CEP112: variants seen among roughly 807,000 people sequenced by gnomAD.
CEP112 encodes centrosomal protein of 112 kDa.
Under a neutral mutation model 153.0 loss-of-function variants are expected in CEP112, and 127 were observed. The observed-to-expected ratio is 0.83, with a 90% confidence interval of 0.72 to 0.96. The LOEUF (loss-of-function observed/expected upper bound fraction) is 0.96. CEP112 is among the 40% of genes least tolerant of loss of function. CEP112 has a pLI of 0.00. For missense variants in CEP112, 1,089 were observed against 1,101.2 expected (o/e 0.99, Z 0.16); for synonymous variants, 358 against 374.4 (o/e 0.96, Z 0.51).
intron 24 of CEP112, among the ~76,000 whole-genome samples, chr17:65,653,097 C>G (rs1275566264): frequency 6.6e-6 from 1 of 152,150 alleles, no homozygotes; most frequent in Non-Finnish European, 1.5e-5. Context: ...ATCTAATTAC[C>G]TCCCAAAGGC....
chr17:65,769,442 A>G (rs919378031), intron 21 of CEP112, among the ~76,000 whole-genome samples: 3 of 152,214 alleles, frequency 2.0e-5, no homozygotes, highest in Non-Finnish European at 4.4e-5. Flanking sequence ...AGGACCCACA[A>G]AAGACCCCAA....
intron 16 of CEP112, among the ~76,000 whole-genome samples, chr17:66,011,969 T>G (rs906475849): frequency 6.6e-6 from 1 of 152,252 alleles, no homozygotes; most frequent in African/African-American, 2.4e-5. Context: ...TTTACCATTA[T>G]GCAATGTCCT....
intron 16 of CEP112, among the ~76,000 whole-genome samples, chr17:66,023,696 A>G (rs933537522): frequency 1.3e-5 from 2 of 152,140 alleles, no homozygotes; most frequent in Non-Finnish European, 2.9e-5. Flanking sequence ...GCAACATGAC[A>G]AAACTCCACC....
At chr17:66,085,210 T>C (rs2067873318) in intron 8 of CEP112, among the ~76,000 whole-genome samples, 1 of 152,182 alleles carries the variant, frequency 6.6e-6, no homozygotes, top group East Asian at 1.9e-4. Context: ...TATCATAAAA[T>C]TCACACATTT....
At chr17:66,108,980 G>T (rs1403300963) in intron 6 of CEP112, among the ~76,000 whole-genome samples, 1 of 152,202 alleles carries the variant, frequency 6.6e-6, no homozygotes, top group African/African-American at 2.4e-5. Context: ...GGATGGAACT[G>T]GAGATCATTA....
intron 6 of CEP112, among the ~76,000 whole-genome samples, chr17:66,119,021 G>C (rs1223588330): frequency 2.0e-5 from 3 of 152,064 alleles, no homozygotes; most frequent in Non-Finnish European, 2.9e-5. Flanking sequence ...GCCATAAAAA[G>C]AAAAAAGATT....
chr17:65,660,650 T>TCCTCCCACCTCAA (rs2046343498), intron 24 of CEP112, among the ~76,000 whole-genome samples: 1 of 151,932 alleles, frequency 6.6e-6, no homozygotes, highest in Non-Finnish European at 1.5e-5. Flanking sequence ...TCTTAGGTGA[T>TCCTCCCACCTCAA]CCTCCCACCT....
chr17:65,640,250 T>G (rs1247209692), intron 25 of CEP112, among the ~76,000 whole-genome samples: 1 of 147,686 alleles, frequency 6.8e-6, no homozygotes, highest in Non-Finnish European at 1.5e-5. Flanking sequence ...GCCTCTGGGG[T>G]TCAAGTGATT....
chr17:66,005,945 C>T (rs1168436802), intron 16 of CEP112, among the ~76,000 whole-genome samples, 176 bp from the exon 17 acceptor site: 1 of 146,782 alleles, frequency 6.8e-6, no homozygotes, highest in Non-Finnish European at 1.5e-5. Context: ...TACTCAAATA[C>T]CTATTTTCTG....
chr17:66,006,382 C>A (rs892919782), intron 16 of CEP112, among the ~76,000 whole-genome samples: 2 of 152,024 alleles, frequency 1.3e-5, no homozygotes, highest in Admixed American at 1.3e-4. Context: ...CCGAGGCAGG[C>A]GGATCACAAG....
At chr17:65,857,702 A>AT (rs575350402) in intron 20 of CEP112, among the ~76,000 whole-genome samples, 36 of 148,414 alleles carry the variant, frequency 2.4e-4, no homozygotes, top group South Asian at 1.5e-3. Flanking sequence ...GACCTGAGGG[A>AT]TTTTTTTTTT....
At chr17:65,666,323 C>T (rs1016315430) in intron 24 of CEP112, among the ~76,000 whole-genome samples, 6 of 152,210 alleles carry the variant, frequency 3.9e-5, no homozygotes, top group African/African-American at 1.4e-4. Context: ...CCTTTAACTG[C>T]TCTCTGTTTT....
intron 21 of CEP112, among the ~76,000 whole-genome samples, chr17:65,816,983 A>G (rs2056305725): frequency 6.6e-6 from 1 of 151,986 alleles, no homozygotes; most frequent in South Asian, 2.1e-4. Context: ...GTTGCTTATA[A>G]TTCTTTCTTC....
chr17:65,957,195 C>T (rs894643357), intron 18 of CEP112, among the ~76,000 whole-genome samples: 4 of 152,006 alleles, frequency 2.6e-5, no homozygotes, highest in Admixed American at 2.6e-4. Context: ...GACTACTGTA[C>T]TTATTGGAAT....
chr17:66,179,644 T>C (rs2072634009), intron 2 of CEP112, among the ~76,000 whole-genome samples: 1 of 152,190 alleles, frequency 6.6e-6, no homozygotes, highest in Non-Finnish European at 1.5e-5. Flanking sequence ...CAAGCATAAT[T>C]TGACTTCTTC....
chr17:65,848,550 T>A (rs1213174062), intron 21 of CEP112, among the ~76,000 whole-genome samples: 1 of 151,976 alleles, frequency 6.6e-6, no homozygotes, highest in Non-Finnish European at 1.5e-5. Flanking sequence ...TCTCTCTCCC[T>A]CCCTCCCTGC....
intron 21 of CEP112, among the ~76,000 whole-genome samples, chr17:65,828,805 T>C (rs1157254149): frequency 6.6e-6 from 1 of 152,102 alleles, no homozygotes; most frequent in Non-Finnish European, 1.5e-5. Context: ...ATTTTAAATA[T>C]GCTACTAGAT....
intron 18 of CEP112, among the ~76,000 whole-genome samples, chr17:65,950,464 T>C (rs2061786392): frequency 6.6e-6 from 1 of 152,170 alleles, no homozygotes; most frequent in African/African-American, 2.4e-5. Flanking sequence ...TGTTTACTTG[T>C]AAATATTTTA....
At chr17:65,665,888 G>C (rs891499326) in intron 24 of CEP112, among the ~76,000 whole-genome samples, 2 of 152,076 alleles carry the variant, frequency 1.3e-5, no homozygotes, top group African/African-American at 2.4e-5. Flanking sequence ...AGGTAGTAAG[G>C]GCCACTCGAT....
Sources: allele counts gnomAD v4.1 joint callset (sites outside exome capture counted in the v4.1 genomes callset), GRCh38; gene constraint gnomAD v4.1.1; transcripts MANE v1.5; gene names NCBI Gene and HGNC (gene_info 2026-07-23, HGNC 2026-07-21).